VDAC1: variants seen among roughly 807,000 people sequenced by gnomAD.
VDAC1 encodes non-selective voltage-gated ion channel VDAC1.
Under a neutral mutation model 34.7 loss-of-function variants are expected in VDAC1, and 10 were observed. That is an observed-to-expected ratio of 0.29 (90% CI 0.18 to 0.49). VDAC1 has a LOEUF of 0.49. Ranked by LOEUF, VDAC1 falls within the 20% of genes least tolerant of loss-of-function variation. The pLI, the probability that VDAC1 is intolerant of heterozygous loss-of-function variation, is 0.99. For synonymous variants in VDAC1, 130 were observed against 136.0 expected (o/e 0.96, Z 0.30); for missense variants, 230 against 347.9 (o/e 0.66, Z 2.69).
chr5:134,021,476 T>C, the VDAC1 span, among the ~76,000 whole-genome samples: 11 of 151,392 alleles, frequency 7.3e-5, no homozygotes, highest in African/African-American at 2.7e-4. Context: ...CTGAGAATGA[T>C]GGTTTCCAGC....
At chr5:133,994,263 G>A (rs537438263) in intron 1 of VDAC1, among the ~76,000 whole-genome samples, 45 of 152,238 alleles carry the variant, frequency 3.0e-4, no homozygotes, top group Admixed American at 2.4e-3. Flanking sequence ...AAAAGAAACA[G>A]TATAAACTTC....
chr5:134,085,998 C>G, the VDAC1 span, among the ~76,000 whole-genome samples: 3,029 of 152,014 alleles, frequency 0.02, 88 homozygotes, highest in African/African-American at 0.069. Flanking sequence ...TTCAAGACCA[C>G]CCTGGACAAT....
At chr5:133,989,452 T>G (rs1310844134) in intron 5 of VDAC1, among the ~76,000 whole-genome samples, 1 of 151,550 alleles carries the variant, frequency 6.6e-6, no homozygotes, top group African/African-American at 2.4e-5. Context: ...CTCTGTCTCC[T>G]GGGTTCAAGC....
At chr5:133,978,600 T>G (rs543572708) in intron 6 of VDAC1, among the ~76,000 whole-genome samples, 1 of 152,220 alleles carries the variant, frequency 6.6e-6, no homozygotes, top group African/African-American at 2.4e-5. Flanking sequence ...TGAATGACTT[T>G]AGTAATATAT....
chr5:133,974,822 G>A (rs151013931), intron 7 of VDAC1, among the ~76,000 whole-genome samples: 259 of 152,322 alleles, frequency 1.7e-3, no homozygotes, highest in Non-Finnish European at 3.0e-3. Context: ...GTGTGGTGGT[G>A]GGTGCCTGTG....
chr5:134,036,728 C>A, the VDAC1 span, among the ~76,000 whole-genome samples: 1 of 150,796 alleles, frequency 6.6e-6, no homozygotes, highest in Non-Finnish European at 1.5e-5. Flanking sequence ...CTGAGGCAGG[C>A]GGATCACGAG....
the VDAC1 span, among the ~76,000 whole-genome samples, chr5:134,070,301 T>C: frequency 2.0e-5 from 3 of 151,916 alleles, no homozygotes; most frequent in Non-Finnish European, 4.4e-5. Context: ...CCCAGCATGC[T>C]CGGTTAATTT....
chr5:134,031,298 T>TA, the VDAC1 span, among the ~76,000 whole-genome samples: 30 of 150,022 alleles, frequency 2.0e-4, no homozygotes, highest in Admixed American at 8.0e-4. Flanking sequence ...TTTACTTAGT[T>TA]AAAAAAAAAA....
chr5:134,028,468 C>T, the VDAC1 span, among the ~76,000 whole-genome samples: 1 of 152,164 alleles, frequency 6.6e-6, no homozygotes, highest in Non-Finnish European at 1.5e-5. Context: ...TTTTTTCTTC[C>T]ATGTTGCTAT....
the VDAC1 span, among the ~76,000 whole-genome samples, chr5:134,106,414 C>CTTT: frequency 2.8e-4 from 41 of 146,466 alleles, 3 homozygotes; most frequent in Non-Finnish European, 3.6e-4. Flanking sequence ...TTGTCATCCT[C>CTTT]TTTTTTTTTT....
the VDAC1 span, among the ~76,000 whole-genome samples, chr5:134,099,220 G>A: frequency 6.6e-6 from 1 of 152,112 alleles, no homozygotes; most frequent in Admixed American, 6.5e-5. Flanking sequence ...TGTGATTTAG[G>A]CCATCAAAAA....
At chr5:134,044,431 C>T in the VDAC1 span, among the ~76,000 whole-genome samples, 1 of 152,184 alleles carries the variant, frequency 6.6e-6, no homozygotes, top group Admixed American at 6.5e-5. Context: ...TGCTGGGAGG[C>T]TCCCCAGACA....
At chr5:133,983,449 G>A (rs1291364663) in intron 5 of VDAC1, among the ~76,000 whole-genome samples, 1 of 152,048 alleles carries the variant, frequency 6.6e-6, no homozygotes, top group Non-Finnish European at 1.5e-5. Context: ...AATAAAACAT[G>A]ATTGGCCACA....
intron 7 of VDAC1, among the ~76,000 whole-genome samples, chr5:133,974,079 CAGAG>C (rs945685338): frequency 6.6e-6 from 1 of 152,176 alleles, no homozygotes; most frequent in Non-Finnish European, 1.5e-5. Context: ...AAGAACAAAG[CAGAG>C]AGAAGGAAGG....
chr5:134,075,303 A>ACACTGCCATT, the VDAC1 span, among the ~76,000 whole-genome samples: 110 of 152,154 alleles, frequency 7.2e-4, no homozygotes, highest in African/African-American at 2.0e-3. Context: ...ACTGCCATTC[A>ACACTGCCATT]CACTATTCAC....
chr5:133,998,277 G>C (rs1410816466), intron 1 of VDAC1, among the ~76,000 whole-genome samples: 3 of 152,168 alleles, frequency 2.0e-5, no homozygotes, highest in African/African-American at 7.2e-5. Context: ...AGGAGGTTTA[G>C]GGAAGGAATG....
the VDAC1 span, among the ~76,000 whole-genome samples, chr5:134,052,267 G>C: frequency 6.6e-6 from 1 of 152,050 alleles, no homozygotes; most frequent in African/African-American, 2.4e-5. Flanking sequence ...CATTAAACCT[G>C]GTACAAAACG....
the VDAC1 span, among the ~76,000 whole-genome samples, chr5:134,059,072 G>A: frequency 6.6e-6 from 1 of 152,210 alleles, no homozygotes; most frequent in Non-Finnish European, 1.5e-5. Flanking sequence ...CCCATGGTCG[G>A]CAACAGGCCA....
At chr5:133,976,768 G>A (rs1752498502) in intron 6 of VDAC1, among the ~76,000 whole-genome samples, 1 of 152,130 alleles carries the variant, frequency 6.6e-6, no homozygotes, top group Non-Finnish European at 1.5e-5. Context: ...GGAAGTCCGG[G>A]TGCAGTGGTT....
Sources: allele counts gnomAD v4.1 joint callset (sites outside exome capture counted in the v4.1 genomes callset), GRCh38; gene constraint gnomAD v4.1.1; transcripts MANE v1.5; gene names NCBI Gene and HGNC (gene_info 2026-07-23, HGNC 2026-07-21).